The following SCHIP1 variants were observed in gnomAD, a reference collection of about 807,000 sequenced individuals.
The protein encoded by SCHIP1 is schwannomin-interacting protein 1.
SCHIP1 carries 8 observed loss-of-function variants against 29.7 expected under a neutral mutation model. The observed-to-expected ratio is 0.27, with a 90% CI of 0.16 to 0.49. The LOEUF (loss-of-function observed/expected upper bound fraction) is 0.49. Ranked by LOEUF, SCHIP1 falls within the 20% of genes least tolerant of loss-of-function variation. SCHIP1 has a pLI of 0.99. For synonymous variants in SCHIP1, 76 were observed against 94.9 expected, an observed-to-expected ratio of 0.80 and a Z score of 1.16; for missense variants, 193 against 294.6, an observed-to-expected ratio of 0.66 and a Z score of 2.52.
chr3:159,628,508 A>G, the SCHIP1 span, among the ~76,000 whole-genome samples: 1 of 152,196 alleles, frequency 6.6e-6, no homozygotes, highest in South Asian at 2.1e-4. Context: ...TAAAATAACT[A>G]TGATTATTAG....
the SCHIP1 span, among the ~76,000 whole-genome samples, chr3:159,726,784 T>C: frequency 6.6e-6 from 1 of 152,202 alleles, no homozygotes; most frequent in East Asian, 1.9e-4. Context: ...CATAAAAGCC[T>C]CTGTGCCATT....
the SCHIP1 span, among the ~76,000 whole-genome samples, chr3:159,565,517 TTC>T: frequency 1.3e-5 from 2 of 152,148 alleles, no homozygotes; most frequent in Non-Finnish European, 2.9e-5. Flanking sequence ...AGCATGTCAA[TTC>T]TGTTTTTCTC....
the SCHIP1 span, among the ~76,000 whole-genome samples, chr3:159,580,460 G>A: frequency 4.1e-4 from 63 of 152,312 alleles, no homozygotes; most frequent in African/African-American, 1.5e-3. Flanking sequence ...CGTGAGGCAT[G>A]ATCAAGGCAG....
the SCHIP1 span, among the ~76,000 whole-genome samples, chr3:159,444,213 ATAC>A: frequency 1.2e-4 from 18 of 152,144 alleles, no homozygotes; most frequent in Non-Finnish European, 2.5e-4. Flanking sequence ...TGTGTGGGAC[ATAC>A]TTCAGAATTG....
the SCHIP1 span, among the ~76,000 whole-genome samples, chr3:159,734,259 C>T: frequency 1.3e-5 from 2 of 150,886 alleles, no homozygotes; most frequent in East Asian, 2.0e-4. Flanking sequence ...TCTCCTGCCT[C>T]AGCCTGCTGA....
the SCHIP1 span, among the ~76,000 whole-genome samples, chr3:159,528,523 T>C: frequency 1.3e-5 from 2 of 152,206 alleles, no homozygotes; most frequent in Non-Finnish European, 1.5e-5. Flanking sequence ...CTCTCTCATG[T>C]AGTCACTCCT....
chr3:159,506,452 C>G, the SCHIP1 span, among the ~76,000 whole-genome samples: 1 of 152,180 alleles, frequency 6.6e-6, no homozygotes, highest in African/African-American at 2.4e-5. Context: ...TTTTGCTGTG[C>G]AGAAGCTCTT....
the SCHIP1 span, among the ~76,000 whole-genome samples, chr3:159,570,475 G>A: frequency 6.6e-6 from 1 of 152,152 alleles, no homozygotes; most frequent in East Asian, 1.9e-4. Context: ...TGTTATTTCT[G>A]AGGCCTCTGT....
chr3:159,640,455 A>G, the SCHIP1 span, among the ~76,000 whole-genome samples: 4 of 152,146 alleles, frequency 2.6e-5, no homozygotes, highest in African/African-American at 9.7e-5. Flanking sequence ...CTTTGGGGAT[A>G]AACCTTATTT....
chr3:159,281,447 A>C, the SCHIP1 span, among the ~76,000 whole-genome samples: 14 of 152,340 alleles, frequency 9.2e-5, no homozygotes, highest in African/African-American at 3.4e-4. Flanking sequence ...AATATGCTTT[A>C]TATATTAAAA....
At chr3:159,648,626 A>G in the SCHIP1 span, among the ~76,000 whole-genome samples, 23 of 152,062 alleles carry the variant, frequency 1.5e-4, 1 homozygote, top group Middle Eastern at 6.3e-3. Context: ...CTCCATTTGC[A>G]CACACACCCC....
chr3:159,873,486 T>C (rs1260348860), intron 2 of SCHIP1, among the ~76,000 whole-genome samples: 1 of 152,220 alleles, frequency 6.6e-6, no homozygotes, highest in African/African-American at 2.4e-5. Context: ...ACTGGATTTT[T>C]CTAGATGTTG....
the SCHIP1 span, among the ~76,000 whole-genome samples, chr3:159,322,837 T>G: frequency 1.3e-4 from 20 of 152,316 alleles, 4 homozygotes; most frequent in South Asian, 4.1e-3. Flanking sequence ...AGCAACAAAG[T>G]TCTCTCATAA....
At chr3:159,745,127 G>C in the SCHIP1 span, among the ~76,000 whole-genome samples, 3 of 152,226 alleles carry the variant, frequency 2.0e-5, no homozygotes, top group Admixed American at 6.5e-5. Flanking sequence ...CTGTGCACCA[G>C]CTCCATATTT....
At chr3:159,790,348 G>A in the SCHIP1 span, among the ~76,000 whole-genome samples, 3 of 152,296 alleles carry the variant, frequency 2.0e-5, no homozygotes, top group South Asian at 2.1e-4. Flanking sequence ...TCATATGCTC[G>A]GTTTCCTTTC....
At chr3:159,688,319 T>G in the SCHIP1 span, among the ~76,000 whole-genome samples, 2 of 152,228 alleles carry the variant, frequency 1.3e-5, no homozygotes, top group African/African-American at 2.4e-5. Flanking sequence ...TGTATCTCAT[T>G]GTGGTTTTGA....
the SCHIP1 span, chr3:159,273,851 T>C: frequency 6.2e-7 from 1 of 1,613,554 alleles, no homozygotes; most frequent in Non-Finnish European, 8.5e-7. Flanking sequence ...TGTTACAACG[T>C]GGGACTGTGA....
chr3:159,817,593 A>G, the SCHIP1 span, among the ~76,000 whole-genome samples: 10 of 152,360 alleles, frequency 6.6e-5, no homozygotes, highest in East Asian at 1.9e-3. Flanking sequence ...AAAAAAAAGA[A>G]TACTTTCTTC....
chr3:159,576,151 G>A, the SCHIP1 span, among the ~76,000 whole-genome samples: 1 of 152,174 alleles, frequency 6.6e-6, no homozygotes, highest in Non-Finnish European at 1.5e-5. Context: ...TGTTTGAGGT[G>A]ATGGATATGC....
Sources: gnomAD v4.1 joint callset for allele counts (sites outside exome capture counted in the v4.1 genomes callset) on GRCh38, gnomAD v4.1.1 for gene constraint, MANE v1.5 for transcripts, NCBI Gene and HGNC (gene_info 2026-07-23, HGNC 2026-07-21) for gene names.